Variants in CORIN observed in about 807,000 individuals in gnomAD.
CORIN encodes atrial natriuretic peptide-converting enzyme.
In CORIN, 117 loss-of-function variants were observed where a neutral mutation model predicts 125.3. That is an observed-to-expected ratio of 0.93 (90% CI 0.80 to 1.09). The LOEUF is 1.09. Ranked by LOEUF, CORIN falls within the 50% of genes least tolerant of loss-of-function variation. CORIN has a pLI of 0.00. For synonymous variants in CORIN, 450 were observed against 466.4 expected (o/e 0.96, Z 0.45); for missense variants, 1,253 against 1,306.7 (o/e 0.96, Z 0.63).
intron 11 of CORIN, among the ~76,000 whole-genome samples, chr4:47,663,374 C>T (rs1245945561): frequency 6.6e-6 from 1 of 152,072 alleles, no homozygotes; most frequent in Non-Finnish European, 1.5e-5. Flanking sequence ...GCAAAAGCAA[C>T]TATGTATTGC....
At chr4:47,668,929 A>G (rs982995195) in intron 10 of CORIN, among the ~76,000 whole-genome samples, 3 of 152,252 alleles carry the variant, frequency 2.0e-5, no homozygotes, top group South Asian at 2.1e-4. Flanking sequence ...AACTCTCAAA[A>G]TACCTGTCAA....
chr4:47,749,779 C>A (rs959173772), intron 4 of CORIN, among the ~76,000 whole-genome samples: 1 of 152,150 alleles, frequency 6.6e-6, no homozygotes, highest in African/African-American at 2.4e-5. Flanking sequence ...TTTAAAAATA[C>A]ATTCCTAAGT....
intron 3 of CORIN, among the ~76,000 whole-genome samples, chr4:47,764,304 A>G (rs555502276): frequency 2.6e-5 from 4 of 152,300 alleles, no homozygotes; most frequent in Non-Finnish European, 5.9e-5. Flanking sequence ...AGCCTCTGAC[A>G]TTATCTTCTC....
chr4:47,779,859 T>C (rs1268591758), intron 3 of CORIN, among the ~76,000 whole-genome samples: 3 of 152,236 alleles, frequency 2.0e-5, no homozygotes, highest in Non-Finnish European at 2.9e-5. Context: ...CTACACCCAG[T>C]AACTTTTGGG....
At position 47,595,860 on chromosome 4, in the gene CORIN, C is replaced by T. The variant is rs920334259; in HGVS notation, c.2990G>A (p.Arg997Gln). 7 of 1,613,394 alleles carry T rather than the reference C, an allele frequency of 4.3e-6. No individual in the cohort carries two copies. Among genetic ancestry groups the T allele is most frequent in the Middle Eastern group, 1.6e-4 (1 of 6,072 alleles). The part of the protein sequence containing the change: ...GPLVCEKPGG[R>Q]WTLFGLTSWG... ...TGAAGTTAATCCAAATAATGTCCAC[C>T]GTCCTCCAGGCTTCTCACAAACAAG... is the stretch of plus-strand genomic sequence containing the variant. The change falls in exon 22 of 22, where the codon CGG becomes CAG. Residue 997 changes from arginine to glutamine, a missense_variant. By Grantham distance (43) the Arg-to-Gln change is conservative. Coordinates refer to ENST00000273857, the MANE Select transcript of CORIN (RefSeq NM_006587.4).
Position 47,822,269 on chromosome 4 carries a change from C to G in CORIN, c.64-15222G>C, listed in dbSNP as rs150373622. On this transcript the variant is annotated intron_variant, in intron 1 of 21. Coordinates refer to ENST00000273857, the MANE Select transcript of CORIN (RefSeq NM_006587.4). Reference sequence around the variant, plus strand: ...ATTTTCTTCTGACTTTTCTTCTGACCCGTTTGATACTCAGTTGCTAACCAG... The same window carrying G: ...ATTTTCTTCTGACTTTTCTTCTGACGCGTTTGATACTCAGTTGCTAACCAG... 8.3e-3 allele frequency among the ~76,000 whole-genome samples: 1,256 copies of G among 152,232 alleles called. 10 individuals carry two copies. The highest frequency in any genetic ancestry group is 0.013 in the Non-Finnish European group (862 of 68,008).
rs866181914 is a variant in CORIN, at chr4:47,718,213, C to T, written c.800-25130G>A. Among the ~76,000 whole-genome samples the T allele has an allele frequency of 2.0e-5, 3 of 152,340 alleles. No individual in the cohort carries two copies. The Middle Eastern group carries it at 0.01, about 518-fold the overall frequency. ...AAACATTAGGATTAGCCTACTTATT[C>T]TGTTGCTCCCAACACTAATTCCAAT... On this transcript the variant is annotated intron_variant, in intron 5 of 21. Coordinates refer to ENST00000273857, the MANE Select transcript of CORIN (RefSeq NM_006587.4).
At chr4:47,616,102 T>C (rs550128807) in intron 19 of CORIN, among the ~76,000 whole-genome samples, 5 of 152,256 alleles carry the variant, frequency 3.3e-5, no homozygotes, top group Non-Finnish European at 5.9e-5. Context: ...AGTAAGATGT[T>C]TATTACATGT....
intron 6 of CORIN, among the ~76,000 whole-genome samples, chr4:47,691,745 T>C (rs78411874): frequency 6.6e-6 from 1 of 152,122 alleles, no homozygotes; most frequent in African/African-American, 2.4e-5. Flanking sequence ...TTTTTTTTTT[T>C]CAAGCATTAT....
At chr4:47,622,299 G>A (rs1280645111) in intron 19 of CORIN, among the ~76,000 whole-genome samples, 3 of 150,764 alleles carry the variant, frequency 2.0e-5, no homozygotes, top group South Asian at 2.1e-4. Context: ...GAATAATGCC[G>A]CAATAAACAT....
Position 47,754,384 on chromosome 4 carries a change from T to C in CORIN, c.617+8995A>G, listed in dbSNP as rs115284134. 6.0e-3 allele frequency among the ~76,000 whole-genome samples: 918 copies of C among 152,306 alleles called. 9 individuals carry two copies. Among genetic ancestry groups the C allele is most frequent in the African/African-American group, 0.021 (857 of 41,564 alleles). ...TGACTGCTGTTTCCAGGTTAGCAGATAAATTCAGGAAAGTAAGCAGCAAAT... is the reference window on the plus strand; with the variant it reads ...TGACTGCTGTTTCCAGGTTAGCAGACAAATTCAGGAAAGTAAGCAGCAAAT... On this transcript the variant is annotated intron_variant, in intron 4 of 21. Coordinates refer to ENST00000273857, the MANE Select transcript of CORIN (RefSeq NM_006587.4).
intron 13 of CORIN, among the ~76,000 whole-genome samples, chr4:47,650,042 C>T (rs367725494): frequency 6.6e-6 from 1 of 152,156 alleles, no homozygotes; most frequent in East Asian, 1.9e-4. Flanking sequence ...GAAAACATGC[C>T]TTTTGGAAAC....
intron 13 of CORIN, among the ~76,000 whole-genome samples, chr4:47,651,586 T>C (rs928266565): frequency 6.6e-6 from 1 of 152,242 alleles, no homozygotes; most frequent in African/African-American, 2.4e-5. Context: ...TTTGGAAAAC[T>C]TCTCATAAAT....
At chr4:47,649,562 CT>C (rs1349295868) in intron 13 of CORIN, among the ~76,000 whole-genome samples, 1 of 152,210 alleles carries the variant, frequency 6.6e-6, no homozygotes, top group Admixed American at 6.5e-5. Flanking sequence ...GCATTCCAAG[CT>C]GTGAGAGATA....
chr4:47,694,354 C>A (rs1725892420), intron 5 of CORIN, among the ~76,000 whole-genome samples: 1 of 151,920 alleles, frequency 6.6e-6, no homozygotes, highest in Non-Finnish European at 1.5e-5. Flanking sequence ...ATCTTTTTAG[C>A]TGGGAAAAAA....
At chr4:47,670,572 C>T (rs765599741) in intron 10 of CORIN, among the ~76,000 whole-genome samples, 4 of 152,150 alleles carry the variant, frequency 2.6e-5, no homozygotes, top group Admixed American at 6.5e-5. Flanking sequence ...GGAAAATGCA[C>T]GAGTAAGCGT....
intron 5 of CORIN, among the ~76,000 whole-genome samples, chr4:47,700,038 A>G (rs946328618): frequency 1.3e-5 from 2 of 152,156 alleles, no homozygotes; most frequent in Non-Finnish European, 2.9e-5. Flanking sequence ...CTCCATTTCA[A>G]CCAAAGAGCT....
chr4:47,656,295 A>G (rs950165179), intron 12 of CORIN, among the ~76,000 whole-genome samples: 1 of 151,574 alleles, frequency 6.6e-6, no homozygotes, highest in Non-Finnish European at 1.5e-5. Flanking sequence ...AGCTGGGATT[A>G]CAGGCGCCTG....
intron 12 of CORIN, among the ~76,000 whole-genome samples, chr4:47,656,874 T>G (rs1466018779): frequency 2.6e-5 from 4 of 152,188 alleles, no homozygotes; most frequent in Admixed American, 2.6e-4. Flanking sequence ...GATCTTATGT[T>G]TGGAAAAACT....
Sources: gnomAD v4.1 joint callset for allele counts (sites outside exome capture counted in the v4.1 genomes callset) on GRCh38, gnomAD v4.1.1 for gene constraint, MANE v1.5 for transcripts, NCBI Gene and HGNC (gene_info 2026-07-23, HGNC 2026-07-21) for gene names.